PDE6D: variants seen among roughly 807,000 people sequenced by gnomAD.
The protein encoded by PDE6D is retinal rod rhodopsin-sensitive cGMP 3',5'-cyclic phosphodiesterase subunit delta.
PDE6D carries 10 observed loss-of-function variants against 21.9 expected under a neutral mutation model. The observed-to-expected ratio is 0.46, with a 90% CI of 0.28 to 0.78. The LOEUF (loss-of-function observed/expected upper bound fraction) is 0.78. Ranked by LOEUF, PDE6D falls within the 30% of genes least tolerant of loss-of-function variation. The probability of loss-of-function intolerance (pLI) is 0.12; values close to 1 mark genes in which losing one functional copy is unlikely to be tolerated. For missense variants in PDE6D, 139 were observed against 184.8 expected, an observed-to-expected ratio of 0.75 and a Z score of 1.44; for synonymous variants, 59 against 63.5, an observed-to-expected ratio of 0.93 and a Z score of 0.34.
intron 4 of PDE6D, among the ~76,000 whole-genome samples, chr2:231,735,933 C>T (rs1219381550): frequency 6.6e-6 from 1 of 150,884 alleles, no homozygotes; most frequent in Non-Finnish European, 1.5e-5. Flanking sequence ...GAGGCTGAGA[C>T]AGGAGAGTTG....
chr2:231,755,087 C>T (rs1009284641), intron 1 of PDE6D, among the ~76,000 whole-genome samples: 2 of 152,108 alleles, frequency 1.3e-5, no homozygotes, highest in African/African-American at 4.8e-5. Flanking sequence ...CTTTGAACCA[C>T]ATAAGGATAC....
In PDE6D at chr2:231,780,939, C is replaced by G. The variant is rs187301538; in HGVS notation, c.50+126G>C. 905 of 853,382 alleles carry G rather than the reference C, an allele frequency of 1.1e-3. 8 individuals are homozygous for G. The African/African-American group carries it at 0.014, about 13-fold the overall frequency. The allele number at this position is 853,382 out of a possible 1,614,324, so 52.9% of individuals were successfully genotyped here. On this transcript the variant is annotated intron_variant, in intron 1 of 4. Transcript: ENST00000287600. ...CGGGTGCTCGGCACGCTGTTCCTTTCCTCTCCCCTCCCGCGGCCCTTCTTC... is the reference window on the plus strand; with the variant it reads ...CGGGTGCTCGGCACGCTGTTCCTTTGCTCTCCCCTCCCGCGGCCCTTCTTC...
rs535591994 is a variant in PDE6D, at chr2:231,781,250, G to A, written c.-136C>T. The A allele has an allele frequency of 5.4e-6, 4 of 743,516 alleles. No individual in the cohort carries two copies. The highest frequency in any genetic ancestry group is 1.7e-5 in the South Asian group (1 of 60,526). 46.1% of individuals were successfully genotyped at this position (743,516 alleles called of 1,614,324 possible). On this transcript the variant is annotated 5_prime_UTR_variant, in exon 1 of 5. Coordinates refer to ENST00000287600, the MANE Select transcript of PDE6D (RefSeq NM_002601.4). ...CAGCCGCAGCGGCCAGACCAGGACC[G>A]GCCTCTCTCTCCCCTCAGCTCCCGC...
At position 231,781,185 on chromosome 2, in the gene PDE6D, G is replaced by A. The variant is rs552407578; in HGVS notation, c.-71C>T. 1.3e-4 allele frequency: 192 copies of A among 1,493,486 alleles called. 1 individual carries two copies. In the South Asian group the frequency reaches 2.0e-3, roughly 16 times the overall value. 92.5% of individuals were successfully genotyped at this position (1,493,486 alleles called of 1,614,324 possible). A position where few individuals can be genotyped will look rare whatever the true frequency, so the allele number is the denominator to read the frequency against. Reference sequence around the variant, plus strand: ...GCCTCGCAGACGGTGCCCAGGAGCCGAGGATGGAGCCGCAGCCCGGCTTGG... The same window carrying A: ...GCCTCGCAGACGGTGCCCAGGAGCCAAGGATGGAGCCGCAGCCCGGCTTGG... On this transcript the variant is annotated 5_prime_UTR_variant, in exon 1 of 5. Transcript: ENST00000287600.
At chr2:231,738,408 T>C (rs376527335) in intron 2 of PDE6D, among the ~76,000 whole-genome samples, 5 of 152,246 alleles carry the variant, frequency 3.3e-5, no homozygotes, top group African/African-American at 4.8e-5. Context: ...GGGCCTCATC[T>C]AACTACTCTC....
chr2:231,747,356 G>T (rs529942455), intron 1 of PDE6D, among the ~76,000 whole-genome samples: 1 of 152,356 alleles, frequency 6.6e-6, no homozygotes, highest in Non-Finnish European at 1.5e-5. Flanking sequence ...CTCCCAGAGT[G>T]CTGGGATTAC....
intron 1 of PDE6D, among the ~76,000 whole-genome samples, chr2:231,766,993 CA>C (rs3038045): frequency 0.13 from 4,908 of 36,548 alleles, 17 homozygotes; most frequent in African/African-American, 0.21. Context: ...GACTCCGTCT[CA>C]AAAAAAAAAA....
chr2:231,746,394 C>T (rs1033756926), intron 1 of PDE6D, among the ~76,000 whole-genome samples: 2 of 152,150 alleles, frequency 1.3e-5, no homozygotes, highest in South Asian at 2.1e-4. Context: ...CCACCTGCCT[C>T]GGTCTCCCAA....
intron 1 of PDE6D, among the ~76,000 whole-genome samples, chr2:231,752,422 G>T (rs1349460992): frequency 1.3e-5 from 2 of 152,206 alleles, no homozygotes; most frequent in African/African-American, 4.8e-5. Context: ...AAATGGTTTA[G>T]AGATTATAAA....
At chr2:231,759,978 C>T (rs2048913334) in intron 1 of PDE6D, among the ~76,000 whole-genome samples, 1 of 152,112 alleles carries the variant, frequency 6.6e-6, no homozygotes, top group Non-Finnish European at 1.5e-5. Flanking sequence ...TTTTTTAGAA[C>T]AATAAGGTAA....
intron 1 of PDE6D, among the ~76,000 whole-genome samples, chr2:231,748,190 A>G (rs141280127): frequency 6.6e-6 from 1 of 152,186 alleles, no homozygotes; most frequent in Non-Finnish European, 1.5e-5. Flanking sequence ...AAGACAGGAA[A>G]ATGTGGGAAA....
intron 1 of PDE6D, among the ~76,000 whole-genome samples, chr2:231,761,038 A>T (rs2048920746): frequency 6.6e-6 from 1 of 152,152 alleles, no homozygotes; most frequent in African/African-American, 2.4e-5. Flanking sequence ...GTCCATGAAT[A>T]CATTAGAATG....
chr2:231,776,028 A>C (rs1440237289), intron 1 of PDE6D, among the ~76,000 whole-genome samples: 1 of 152,228 alleles, frequency 6.6e-6, no homozygotes, highest in Non-Finnish European at 1.5e-5. Flanking sequence ...ACTATACTAG[A>C]AAGCTAGTAT....
intron 1 of PDE6D, among the ~76,000 whole-genome samples, chr2:231,770,190 G>A (rs1433498622): frequency 6.6e-6 from 1 of 152,058 alleles, no homozygotes. Context: ...TATCAGACTT[G>A]AGTAACAACC....
At chr2:231,740,726 TATAGTCCAAGA>T (rs1274069196) in intron 1 of PDE6D, among the ~76,000 whole-genome samples, 4 of 148,236 alleles carry the variant, frequency 2.7e-5, no homozygotes, top group African/African-American at 1.0e-4. Flanking sequence ...CACAAAAACT[TATAGTCCAAGA>T]ATAGTCCAAG....
intron 1 of PDE6D, among the ~76,000 whole-genome samples, chr2:231,750,473 C>G (rs1374565205): frequency 6.7e-6 from 1 of 148,894 alleles, no homozygotes; most frequent in African/African-American, 2.5e-5. Context: ...TCTATTTCAT[C>G]CATATCACTT....
At chr2:231,766,787 G>A (rs1297761091) in intron 1 of PDE6D, among the ~76,000 whole-genome samples, 2 of 151,992 alleles carry the variant, frequency 1.3e-5, no homozygotes, top group African/African-American at 4.8e-5. Flanking sequence ...GAGGTCAGGG[G>A]GAGTTTGAGA....
chr2:231,753,052 C>T (rs1288647638), intron 1 of PDE6D, among the ~76,000 whole-genome samples: 1 of 147,768 alleles, frequency 6.8e-6, no homozygotes, highest in East Asian at 2.1e-4. Flanking sequence ...AGGATGGTCT[C>T]AATCTTCTGA....
At chr2:231,742,378 C>T (rs1051567937) in intron 1 of PDE6D, among the ~76,000 whole-genome samples, 7 of 152,206 alleles carry the variant, frequency 4.6e-5, no homozygotes, top group Admixed American at 4.6e-4. Context: ...TTGCCTTGGC[C>T]TCCCAAAGTG....
Sources: gnomAD v4.1 joint callset for allele counts (sites outside exome capture counted in the v4.1 genomes callset) on GRCh38, gnomAD v4.1.1 for gene constraint, MANE v1.5 for transcripts, NCBI Gene and HGNC (gene_info 2026-07-23, HGNC 2026-07-21) for gene names.